Variants in DMD observed in about 807,000 individuals in gnomAD.
DMD encodes dystrophin, also known as mutant dystrophin.
DMD carries 63 observed loss-of-function variants against 330.1 expected under a neutral mutation model. The ratio of observed to expected loss-of-function variants is 0.19; its 90% CI spans 0.16 to 0.24. DMD has a LOEUF of 0.24. Among genes scored for constraint, DMD ranks in the 10% least tolerant of loss-of-function variants. The pLI, the probability that DMD is intolerant of heterozygous loss-of-function variation, is 1.00. For missense variants in DMD, 3,344 were observed against 2,684.1 expected (o/e 1.25, Z -5.43); for synonymous variants, 1,223 against 959.8 (o/e 1.27, Z -5.07).
At chrX:32,523,809 C>G (rs1215999418) in intron 17 of DMD, among the ~76,000 whole-genome samples, 5 of 111,732 alleles carry the variant, frequency 4.5e-5, no homozygotes, top group Non-Finnish European at 7.5e-5. Context: ...CACAGCCTTT[C>G]TGCTCCTATA....
chrX:31,599,638 G>T (rs764590597), intron 55 of DMD, among the ~76,000 whole-genome samples: 4 of 112,117 alleles, frequency 3.6e-5, no homozygotes, highest in African/African-American at 1.3e-4. Context: ...TACTGAGTTT[G>T]CACTATCTTG....
chrX:32,997,702 A>G (rs1012095575), intron 2 of DMD, among the ~76,000 whole-genome samples: 8 of 112,356 alleles, frequency 7.1e-5, no homozygotes, highest in Non-Finnish European at 1.3e-4. Flanking sequence ...CAGTACATAC[A>G]TTTGCAAAGG....
At chrX:31,222,413 A>C (rs2147062185) in intron 64 of DMD, among the ~76,000 whole-genome samples, 1 of 106,527 alleles carries the variant, frequency 9.4e-6, no homozygotes, top group East Asian at 2.9e-4. Context: ...AAAAAAAAAA[A>C]AAAACAGAAA....
intron 60 of DMD, among the ~76,000 whole-genome samples, chrX:31,355,066 G>T (rs1243234130): frequency 2.7e-5 from 3 of 111,630 alleles, no homozygotes; most frequent in African/African-American, 9.8e-5. Context: ...CTTCAACATT[G>T]CTTTTAAATA....
At chrX:32,078,444 G>A (rs1453515058) in intron 44 of DMD, among the ~76,000 whole-genome samples, 2 of 111,930 alleles carry the variant, frequency 1.8e-5, no homozygotes, top group South Asian at 3.7e-4. Flanking sequence ...GCCAGTCAAA[G>A]TGAAGCTAAT....
chrX:32,695,603 T>G (rs2063592066), intron 9 of DMD, among the ~76,000 whole-genome samples: 1 of 111,091 alleles, frequency 9.0e-6, no homozygotes, highest in Non-Finnish European at 1.9e-5. Flanking sequence ...CATACTAGGT[T>G]TGAGATATTA....
intron 60 of DMD, among the ~76,000 whole-genome samples, chrX:31,434,202 A>T (rs1050611769): frequency 2.3e-4 from 26 of 111,633 alleles, no homozygotes; most frequent in Admixed American, 9.5e-4. Context: ...GCAGTCCATT[A>T]CTTCAAATGA....
intron 41 of DMD, among the ~76,000 whole-genome samples, chrX:32,331,342 A>T (rs754098905): frequency 8.9e-6 from 1 of 111,813 alleles, no homozygotes; most frequent in Non-Finnish European, 1.9e-5. Context: ...AGATAATACT[A>T]ACTTTAGTGA....
intron 1 of DMD, among the ~76,000 whole-genome samples, chrX:33,296,338 G>A (rs758181604): frequency 1.8e-5 from 2 of 111,095 alleles, no homozygotes; most frequent in African/African-American, 6.5e-5. Context: ...CAGAGCACAA[G>A]CAGATTCTAT....
intron 63 of DMD, among the ~76,000 whole-genome samples, chrX:31,226,127 T>C (rs899045905): frequency 4.5e-5 from 5 of 111,883 alleles, no homozygotes; most frequent in African/African-American, 1.6e-4. Flanking sequence ...TTATGAGAAA[T>C]GCAGAATCTC....
At position 31,477,994 on chromosome X, in the gene DMD, G is replaced by A. The variant is rs879212187; in HGVS notation, c.8937+112C>T. ...AATGAAGACTGAATTTGTGAAAGAC[G>A]GACTGATTTCTCTAGCTTTAACTTT... On this transcript the variant is annotated intron_variant, in intron 59 of 78. Transcript: ENST00000357033. 39 of 850,495 alleles carry A rather than the reference G, an allele frequency of 4.6e-5. No individual in the cohort carries two copies. The Admixed American group carries it at 7.0e-4, about 15-fold the overall frequency. The allele number at this position is 850,495 out of a possible 1,213,427, so 70.1% of individuals were successfully genotyped here. A position where few individuals can be genotyped will look rare whatever the true frequency, so the allele number is the denominator to read the frequency against.
At chrX:31,227,059 C>T (rs1303413245) in intron 63 of DMD, among the ~76,000 whole-genome samples, 1 of 111,227 alleles carries the variant, frequency 9.0e-6, no homozygotes, top group Non-Finnish European at 1.9e-5. Context: ...TCTAATCCTC[C>T]TTCTCCACTG....
intron 32 of DMD, among the ~76,000 whole-genome samples, chrX:32,388,341 C>CTTTTTTTTT (rs3044988): frequency 1.3e-5 from 1 of 78,569 alleles, no homozygotes; most frequent in Admixed American, 1.5e-4. Context: ...TTATGCTTTC[C>CTTTTTTTTT]TTTTTTTTTT....
At chrX:33,156,166 C>A (rs2048500466) in intron 1 of DMD, among the ~76,000 whole-genome samples, 1 of 111,902 alleles carries the variant, frequency 8.9e-6, no homozygotes, top group Non-Finnish European at 1.9e-5. Context: ...ATGAAAAGAG[C>A]AAGCATCCAT....
At chrX:32,928,439 A>C (rs755568611) in intron 2 of DMD, among the ~76,000 whole-genome samples, 2 of 111,449 alleles carry the variant, frequency 1.8e-5, no homozygotes, top group South Asian at 7.4e-4. Flanking sequence ...ATTCAATAGC[A>C]TGACTGCTTA....
At chrX:32,123,202 C>CATT (rs1557152295) in intron 44 of DMD, among the ~76,000 whole-genome samples, 2 of 32,576 alleles carry the variant, frequency 6.1e-5, no homozygotes, top group African/African-American at 2.8e-4. Flanking sequence ...TGTGAGCATG[C>CATT]ATATATATAT....
intron 64 of DMD, among the ~76,000 whole-genome samples, chrX:31,212,728 C>A (rs2044869419): frequency 9.0e-6 from 1 of 111,309 alleles, no homozygotes; most frequent in Non-Finnish European, 1.9e-5. Context: ...GAGACTCACT[C>A]TGGGTGTTAT....
At chrX:33,163,612 A>ATC (rs1474491967) in intron 1 of DMD, among the ~76,000 whole-genome samples, 271 of 16,982 alleles carry the variant, frequency 0.016, no homozygotes, top group African/African-American at 0.047. Context: ...ATATATCTAT[A>ATC]TCTATCTCTA....
chrX:31,975,759 A>G (rs771493012), intron 44 of DMD, among the ~76,000 whole-genome samples: 32 of 112,328 alleles, frequency 2.8e-4, no homozygotes, highest in African/African-American at 1.0e-3. Flanking sequence ...AGGTATTATC[A>G]ATTTGGAGCC....
Sources: gnomAD v4.1 joint callset for allele counts (sites outside exome capture counted in the v4.1 genomes callset) on GRCh38, gnomAD v4.1.1 for gene constraint, MANE v1.5 for transcripts, NCBI Gene and HGNC (gene_info 2026-07-23, HGNC 2026-07-21) for gene names.